The following PTPRN2 variants were observed in gnomAD, a reference collection of about 807,000 sequenced individuals.
The protein encoded by PTPRN2 is protein tyrosine phosphatase receptor type N2.
Under a neutral mutation model 118.8 loss-of-function variants are expected in PTPRN2, and 74 were observed. The observed-to-expected ratio is 0.62, with a 90% CI of 0.52 to 0.76. The LOEUF is 0.76. Ranked by LOEUF, PTPRN2 falls within the 30% of genes least tolerant of loss-of-function variation. The probability of loss-of-function intolerance (pLI) is 0.00; values close to 1 mark genes in which losing one functional copy is unlikely to be tolerated. For missense variants in PTPRN2, 1,481 were observed against 1,394.4 expected, an observed-to-expected ratio of 1.06 and a Z score of -0.99; for synonymous variants, 641 against 608.0, an observed-to-expected ratio of 1.05 and a Z score of -0.80.
chr7:157,612,326 G>T (rs1802406452), intron 15 of PTPRN2, among the ~76,000 whole-genome samples: 1 of 112,256 alleles, frequency 8.9e-6, no homozygotes, highest in Non-Finnish European at 1.9e-5. Flanking sequence ...CACGCTGTCT[G>T]CACGGCTCCA....
chr7:158,415,995 T>C (rs1424649080), intron 2 of PTPRN2, among the ~76,000 whole-genome samples: 1 of 152,222 alleles, frequency 6.6e-6, no homozygotes, highest in East Asian at 1.9e-4. Context: ...ACCACAGTCC[T>C]GTCTCTTCTA....
In PTPRN2 at chr7:157,682,908, C is replaced by T. The variant is rs146635379; in HGVS notation, c.1818G>A (p.Gln606=). ...ACTTGGTGGAGTCTTCTTGCTCCGC[C>T]TGAGGAGGCAGGAACTTGAGTTTGC... ...SKSKLKFLPP[Q]AEQEDSTKFI... Residue 606 remains glutamine (Q), a synonymous_variant, in exon 13 of 23, where the codon CAG becomes CAA. Transcript: ENST00000389418. 3 of 1,613,778 alleles carry T rather than the reference C, an allele frequency of 1.9e-6. No individual in the cohort carries two copies. In the African/African-American group the frequency reaches 4.0e-5, roughly 22 times the overall value.
At chr7:157,753,768 C>T (rs558279513) in intron 12 of PTPRN2, among the ~76,000 whole-genome samples, 11 of 152,204 alleles carry the variant, frequency 7.2e-5, no homozygotes, top group African/African-American at 1.2e-4. Context: ...TCGTGGCATG[C>T]GTGCATGGCT....
intron 12 of PTPRN2, among the ~76,000 whole-genome samples, chr7:157,815,998 GA>G (rs1563138900): frequency 1.3e-5 from 2 of 152,216 alleles, no homozygotes; most frequent in Non-Finnish European, 2.9e-5. Flanking sequence ...CCCTCGTGCA[GA>G]TGTGAAGATG....
At chr7:157,645,230 G>A (rs1804986030) in intron 14 of PTPRN2, among the ~76,000 whole-genome samples, 1 of 152,118 alleles carries the variant, frequency 6.6e-6, no homozygotes, top group South Asian at 2.1e-4. Context: ...ACCACTCTTG[G>A]AAGGAACCAT....
At chr7:158,390,911 C>T (rs1189137079) in intron 2 of PTPRN2, among the ~76,000 whole-genome samples, 1 of 152,164 alleles carries the variant, frequency 6.6e-6, no homozygotes, top group Non-Finnish European at 1.5e-5. Context: ...ACGGGTGCCG[C>T]GTCACATGCA....
chr7:158,466,063 A>C (rs1489618155), intron 2 of PTPRN2, among the ~76,000 whole-genome samples: 2 of 152,194 alleles, frequency 1.3e-5, no homozygotes, highest in African/African-American at 4.8e-5. Flanking sequence ...CATTTTGTAA[A>C]ATTTTTGGAT....
intron 11 of PTPRN2, among the ~76,000 whole-genome samples, chr7:157,920,855 G>A (rs1798657180): frequency 6.6e-6 from 1 of 152,102 alleles, no homozygotes. Flanking sequence ...GTTTGGTGAT[G>A]ACTTTTTAGA....
rs773679570 is a variant in PTPRN2 at position 158,133,767 on chromosome 7, G to A, written c.1466C>T (p.Ala489Val). ...GPSKEEQSLP[A>V]GAQEALSDGL... Reference sequence around the variant, plus strand: ...GTCGCTGAGGGCCTCCTGAGCACCCGCTGGAAGGCTCTGCTCCTCCTTCGA... The same window carrying A: ...GTCGCTGAGGGCCTCCTGAGCACCCACTGGAAGGCTCTGCTCCTCCTTCGA... Residue 489 changes from alanine (A) to valine (V), a missense_variant, in exon 9 of 23, where the codon GCG (alanine) becomes GTG (valine). Ala to Val is a moderately conservative substitution (Grantham distance 64). This residue lies in a region of PTPRN2 where 1,115 missense variants were observed against 994.2 expected (regional missense o/e 1.12). Coordinates refer to ENST00000389418, the MANE Select transcript of PTPRN2 (RefSeq NM_002847.5). The A allele has an allele frequency of 2.0e-5, 32 of 1,613,742 alleles. No individual in the cohort carries two copies. Among genetic ancestry groups the A allele is most frequent in the South Asian group, 4.4e-5 (4 of 91,090 alleles).
intron 12 of PTPRN2, among the ~76,000 whole-genome samples, chr7:157,718,870 C>T (rs1009133164): frequency 6.6e-6 from 1 of 152,208 alleles, no homozygotes; most frequent in African/African-American, 2.4e-5. Context: ...CCTCAGACCC[C>T]CAAACCCACC....
At chr7:158,310,126 CAA>C (rs1368259964) in intron 3 of PTPRN2, among the ~76,000 whole-genome samples, 1 of 152,160 alleles carries the variant, frequency 6.6e-6, no homozygotes, top group Non-Finnish European at 1.5e-5. Context: ...GCAACTCGAA[CAA>C]GAGAAAAATT....
At chr7:158,493,058 T>C (rs1821577020) in intron 1 of PTPRN2, among the ~76,000 whole-genome samples, 1 of 152,246 alleles carries the variant, frequency 6.6e-6, no homozygotes, top group Non-Finnish European at 1.5e-5. Flanking sequence ...TTCAATGTAT[T>C]ATCCACCCTT....
At chr7:158,184,099 A>G (rs1051310202) in intron 5 of PTPRN2, among the ~76,000 whole-genome samples, 114 of 152,116 alleles carry the variant, frequency 7.5e-4, no homozygotes, top group Admixed American at 2.2e-3. Context: ...GTGTCTTTCG[A>G]AGAAGTGTCT....
intron 11 of PTPRN2, among the ~76,000 whole-genome samples, chr7:158,078,067 A>G (rs550927339): frequency 1.9e-4 from 29 of 152,190 alleles, no homozygotes; most frequent in Non-Finnish European, 3.4e-4. Context: ...AGCATTGCCT[A>G]CGATAAAGAG....
At chr7:158,468,120 A>G (rs1257854955) in intron 2 of PTPRN2, among the ~76,000 whole-genome samples, 1 of 152,222 alleles carries the variant, frequency 6.6e-6, no homozygotes, top group Admixed American at 6.5e-5. Context: ...TTAATAACAA[A>G]ACACAGAATA....
At chr7:157,918,442 C>T (rs1025095967) in intron 11 of PTPRN2, among the ~76,000 whole-genome samples, 1 of 152,170 alleles carries the variant, frequency 6.6e-6, no homozygotes, top group Non-Finnish European at 1.5e-5. Flanking sequence ...AGGCGTGGGC[C>T]GGTGTGATTA....
rs1211270726 is a variant in PTPRN2, at chr7:158,418,073, A to G, written c.163+71662T>C. ...ATGGTGTACTACATCGAGATGCTCT[A>G]GCTTTCAGTGTCCCACTGTGTTAAG... On this transcript the variant is annotated intron_variant, in intron 2 of 22. Coordinates refer to ENST00000389418, the MANE Select transcript of PTPRN2 (RefSeq NM_002847.5). Among the ~76,000 whole-genome samples the G allele has an allele frequency of 2.0e-5, 3 of 149,400 alleles. No homozygotes were observed. The East Asian group carries it at 5.9e-4, about 30-fold the overall frequency.
At chr7:157,799,006 G>T (rs1805054835) in intron 12 of PTPRN2, among the ~76,000 whole-genome samples, 1 of 152,184 alleles carries the variant, frequency 6.6e-6, no homozygotes. Context: ...CTAGGGTGCT[G>T]CCCCCTCCTC....
chr7:158,581,608 T>C (rs1828631106), intron 1 of PTPRN2, among the ~76,000 whole-genome samples: 1 of 152,220 alleles, frequency 6.6e-6, no homozygotes, highest in Non-Finnish European at 1.5e-5. Flanking sequence ...TCACCTGCCA[T>C]GGCCTTGAAT....
Sources: gnomAD v4.1 joint callset for allele counts (sites outside exome capture counted in the v4.1 genomes callset) on GRCh38, gnomAD v4.1.1 for gene constraint, gnomAD v4.1.1 regional missense constraint, MANE v1.5 for transcripts, NCBI Gene and HGNC (gene_info 2026-07-23, HGNC 2026-07-21) for gene names.